Variants in NEGR1 observed in about 807,000 individuals in gnomAD.
The protein encoded by NEGR1 is IgLON family member 4.
NEGR1 carries 10 observed loss-of-function variants against 40.9 expected under a neutral mutation model. The observed-to-expected ratio is 0.24, with a 90% confidence interval of 0.15 to 0.42. The LOEUF (loss-of-function observed/expected upper bound fraction) is 0.42, where lower values mean the gene tolerates loss of function less well. NEGR1 is among the 10% of genes least tolerant of loss of function. The pLI is 1.00. For missense variants in NEGR1, 352 were observed against 438.9 expected, an observed-to-expected ratio of 0.80 and a Z score of 1.77; for synonymous variants, 185 against 166.8, an observed-to-expected ratio of 1.11 and a Z score of -0.84.
intron 5 of NEGR1, among the ~76,000 whole-genome samples, chr1:71,602,009 A>G (rs1430524985): frequency 6.6e-6 from 1 of 152,108 alleles, no homozygotes; most frequent in Non-Finnish European, 1.5e-5. Context: ...AAAAGGGACT[A>G]GATTGTTTTA....
intron 6 of NEGR1, among the ~76,000 whole-genome samples, chr1:71,543,832 G>C (rs1217056819): frequency 1.3e-5 from 2 of 151,678 alleles, no homozygotes; most frequent in Non-Finnish European, 3.0e-5. Context: ...TGAAGAAAGT[G>C]ATTCTTATGC....
intron 1 of NEGR1, among the ~76,000 whole-genome samples, chr1:72,243,428 C>T (rs951420997): frequency 2.0e-5 from 3 of 151,688 alleles, no homozygotes; most frequent in African/African-American, 4.8e-5. Context: ...AATGGTTTAT[C>T]CCCTGTGACA....
chr1:71,820,261 G>A (rs1190467005), intron 2 of NEGR1, among the ~76,000 whole-genome samples: 1 of 151,948 alleles, frequency 6.6e-6, no homozygotes, highest in African/African-American at 2.4e-5. Flanking sequence ...ATGACCAGAA[G>A]ATTGAGGGCA....
At chr1:72,203,111 G>C (rs1256962913) in intron 1 of NEGR1, among the ~76,000 whole-genome samples, 3 of 152,066 alleles carry the variant, frequency 2.0e-5, no homozygotes, top group African/African-American at 7.2e-5. Flanking sequence ...AGATGAAAGA[G>C]TGATTTTGAC....
chr1:71,995,642 T>C (rs1445603110), intron 1 of NEGR1, among the ~76,000 whole-genome samples: 1 of 152,194 alleles, frequency 6.6e-6, no homozygotes, highest in Non-Finnish European at 1.5e-5. Flanking sequence ...TTCATTATTT[T>C]ACAACATCAC....
At chr1:71,530,553 T>C (rs1374146383) in intron 6 of NEGR1, among the ~76,000 whole-genome samples, 4 of 151,416 alleles carry the variant, frequency 2.6e-5, no homozygotes, top group Non-Finnish European at 5.9e-5. Flanking sequence ...GTTTCATTTA[T>C]AGCTGCACTT....
chr1:71,513,342 T>C (rs1376370992), intron 6 of NEGR1, among the ~76,000 whole-genome samples: 1 of 152,192 alleles, frequency 6.6e-6, no homozygotes, highest in East Asian at 1.9e-4. Context: ...GTTTTCATCT[T>C]GGAGAATCTG....
At position 71,592,916 on chromosome 1, in the gene NEGR1, T is replaced by C. The variant is rs758115329; in HGVS notation, c.841A>G (p.Ile281Val). The change falls in exon 6 of 7, where the codon ATT becomes GTT. Residue 281 changes from isoleucine (I) to valine (V), a missense_variant. By Grantham distance (29) the Ile-to-Val change is conservative (BLOSUM62 3). Around this residue, in one of 5 missense-constraint regions of NEGR1, gnomAD observed 184 missense variants for 208.7 expected, o/e 0.88. Coordinates refer to ENST00000357731, the MANE Select transcript of NEGR1 (RefSeq NM_173808.3). Reference sequence around the variant, plus strand: ...TGTGTCACGTTGGTAACAGTGAGAATGGATCTTGTGCTAAAATTTTGAATA... The same window carrying C: ...TGTGTCACGTTGGTAACAGTGAGAACGGATCTTGTGCTAAAATTTTGAATA... ...IIIQNFSTRS[I>V]LTVTNVTQEH... 3.0e-5 allele frequency: 48 copies of C among 1,611,938 alleles called. No individual in the cohort carries two copies. The highest frequency in any genetic ancestry group is 3.6e-5 in the Non-Finnish European group (43 of 1,178,192).
intron 3 of NEGR1, among the ~76,000 whole-genome samples, chr1:71,758,810 TACTC>T (rs1016723867): frequency 2.0e-5 from 3 of 152,166 alleles, no homozygotes; most frequent in Non-Finnish European, 4.4e-5. Flanking sequence ...TTCTCTTTCT[TACTC>T]ATATATATTT....
At chr1:71,739,160 T>C (rs1384754211) in intron 3 of NEGR1, among the ~76,000 whole-genome samples, 1 of 135,952 alleles carries the variant, frequency 7.4e-6, no homozygotes, top group Non-Finnish European at 1.5e-5. Context: ...GTGGATACCA[T>C]CTAATCAGCT....
intron 3 of NEGR1, among the ~76,000 whole-genome samples, chr1:71,739,199 G>GAAAAAAAAAAAAAAAA (rs776411417): frequency 1.6e-5 from 1 of 63,652 alleles, no homozygotes; most frequent in Non-Finnish European, 3.4e-5. Flanking sequence ...AAGGCAGGCA[G>GAAAAAAAAAAAAAAAA]AAAAAAAAAA....
At chr1:71,887,234 T>TGAG (rs1420186684) in intron 2 of NEGR1, among the ~76,000 whole-genome samples, 1 of 151,964 alleles carries the variant, frequency 6.6e-6, no homozygotes, top group Non-Finnish European at 1.5e-5. Context: ...TTGAGTAGGC[T>TGAG]GAGGAGGAGG....
chr1:72,152,634 C>T (rs1381810338), intron 1 of NEGR1, among the ~76,000 whole-genome samples: 1 of 151,840 alleles, frequency 6.6e-6, no homozygotes, highest in African/African-American at 2.4e-5. Context: ...GAATTATATA[C>T]CCAAAGGAAA....
chr1:71,795,607 A>G (rs1657295135), intron 2 of NEGR1, among the ~76,000 whole-genome samples: 1 of 152,154 alleles, frequency 6.6e-6, no homozygotes, highest in South Asian at 2.1e-4. Flanking sequence ...ACAGTTTCCA[A>G]AAGCAAAAAT....
chr1:72,167,304 T>C (rs1486210691), intron 1 of NEGR1, among the ~76,000 whole-genome samples: 7 of 152,126 alleles, frequency 4.6e-5, no homozygotes, highest in African/African-American at 1.2e-4. Flanking sequence ...AAAAAACTCA[T>C]AGAATGTAAA....
chr1:71,953,609 T>A (rs1376192867), intron 1 of NEGR1, among the ~76,000 whole-genome samples: 1 of 151,980 alleles, frequency 6.6e-6, no homozygotes, highest in Non-Finnish European at 1.5e-5. Flanking sequence ...CAAAAAGTAT[T>A]GGATGGAATA....
intron 2 of NEGR1, among the ~76,000 whole-genome samples, chr1:71,822,191 C>T (rs1303333723): frequency 6.6e-6 from 1 of 151,834 alleles, no homozygotes; most frequent in African/African-American, 2.4e-5. Flanking sequence ...CAGAAAGTAG[C>T]CAAGAGGTGG....
intron 2 of NEGR1, among the ~76,000 whole-genome samples, chr1:71,876,604 AGAAG>A (rs34140557): frequency 0.21 from 31,488 of 150,376 alleles, 4,012 homozygotes; most frequent in East Asian, 0.48. Flanking sequence ...AAGGAAGGAA[AGAAG>A]GAAGGAAGGA....
intron 2 of NEGR1, among the ~76,000 whole-genome samples, chr1:71,874,091 G>T (rs1159303074): frequency 6.6e-6 from 1 of 152,052 alleles, no homozygotes; most frequent in Admixed American, 6.6e-5. Flanking sequence ...TATCCTAATA[G>T]GTTTGGTGCA....
Sources: allele counts gnomAD v4.1 joint callset (sites outside exome capture counted in the v4.1 genomes callset), GRCh38; gene constraint gnomAD v4.1.1; regional missense constraint gnomAD v4.1.1; transcripts MANE v1.5; gene names NCBI Gene and HGNC (gene_info 2026-07-23, HGNC 2026-07-21).